The following TNPO1 variants were observed in gnomAD, a reference collection of about 807,000 sequenced individuals.
TNPO1 encodes transportin 1.
In TNPO1, 8 loss-of-function variants were observed where a neutral mutation model predicts 119.5. The ratio of observed to expected loss-of-function variants is 0.07; its 90% CI spans 0.04 to 0.12. The LOEUF (loss-of-function observed/expected upper bound fraction) is 0.12. Among genes scored for constraint, TNPO1 ranks in the 10% least tolerant of loss-of-function variants. TNPO1 has a pLI of 1.00. For synonymous variants in TNPO1, 362 were observed against 363.0 expected (o/e 1.00, Z 0.03); for missense variants, 576 against 1,089.8 (o/e 0.53, Z 6.64).
intron 1 of TNPO1, among the ~76,000 whole-genome samples, chr5:72,840,367 A>C (rs1285958484): frequency 6.6e-6 from 1 of 152,182 alleles, no homozygotes; most frequent in Non-Finnish European, 1.5e-5. Flanking sequence ...TCATGGAATT[A>C]AATGAGATCA....
At chr5:72,854,649 A>G (rs1383106721) in intron 3 of TNPO1, among the ~76,000 whole-genome samples, 3 of 152,212 alleles carry the variant, frequency 2.0e-5, no homozygotes, top group Admixed American at 6.6e-5. Flanking sequence ...CCACTTGGAA[A>G]GCACTTAGCA....
intron 6 of TNPO1, among the ~76,000 whole-genome samples, chr5:72,868,406 T>G (rs1747094956): frequency 9.0e-6 from 1 of 110,732 alleles, no homozygotes; most frequent in Non-Finnish European, 1.7e-5. Flanking sequence ...CACTCCAGCC[T>G]GGATGACAGA....
chr5:72,884,618 C>T (rs937992230), intron 11 of TNPO1, among the ~76,000 whole-genome samples: 1 of 152,182 alleles, frequency 6.6e-6, no homozygotes, highest in Admixed American at 6.5e-5. Context: ...TTCTGGCCCA[C>T]GCTTCCTAAT....
At chr5:72,883,611 T>C (rs897049953) in intron 11 of TNPO1, among the ~76,000 whole-genome samples, 10 of 152,268 alleles carry the variant, frequency 6.6e-5, no homozygotes, top group Admixed American at 2.6e-4. Flanking sequence ...AAATAATATT[T>C]CATTGTAATA....
intron 23 of TNPO1, among the ~76,000 whole-genome samples, chr5:72,904,916 A>G (rs994522030): frequency 6.6e-6 from 1 of 152,234 alleles, no homozygotes; most frequent in Non-Finnish European, 1.5e-5. Flanking sequence ...AAGGTGAAAG[A>G]CAAGTCTTAA....
chr5:72,834,249 A>T (rs757509833), intron 1 of TNPO1, among the ~76,000 whole-genome samples: 1 of 152,228 alleles, frequency 6.6e-6, no homozygotes. Flanking sequence ...TTATTGGTTC[A>T]TGTATTTACT....
chr5:72,833,776 A>G (rs925306401), intron 1 of TNPO1, among the ~76,000 whole-genome samples: 4 of 152,206 alleles, frequency 2.6e-5, no homozygotes, highest in African/African-American at 9.6e-5. Flanking sequence ...GAATTTTTAT[A>G]CGTCTCATTA....
chr5:72,877,356 C>A lies in TNPO1; in HGVS notation c.920+10C>A, dbSNP rs771763497. ...TAAGGCATCTTCCTAAGTAAGTGTT[C>A]CCTCTTATAAATGCTGCCTTGTTCT... On this transcript the variant is annotated intron_variant, in intron 9 of 24. Transcript: ENST00000337273. The A allele has an allele frequency of 1.4e-6, 2 of 1,398,262 alleles. No homozygotes were observed. The highest frequency in any genetic ancestry group is 3.5e-5 in the Admixed American group (2 of 57,326). The allele number at this position is 1,398,262 out of a possible 1,614,324, so 86.6% of individuals were successfully genotyped here.
intron 1 of TNPO1, among the ~76,000 whole-genome samples, chr5:72,831,414 GTAT>G (rs745465463): frequency 4.0e-5 from 6 of 151,688 alleles, no homozygotes; most frequent in Non-Finnish European, 7.4e-5. Context: ...AAAGATCCTT[GTAT>G]TATTATGTCT....
chr5:72,832,509 A>C (rs1322237917), intron 1 of TNPO1, among the ~76,000 whole-genome samples: 1 of 152,090 alleles, frequency 6.6e-6, no homozygotes, highest in East Asian at 1.9e-4. Context: ...CATCTGCTAT[A>C]TTTGTCAACA....
intron 1 of TNPO1, among the ~76,000 whole-genome samples, chr5:72,839,924 T>C (rs1744837020): frequency 6.6e-6 from 1 of 152,122 alleles, no homozygotes; most frequent in East Asian, 1.9e-4. Flanking sequence ...AGGGTGACAA[T>C]GAGATAACTA....
rs541265291 is a variant in TNPO1, at chr5:72,865,371, G to A, written c.463-225G>A. ...GCAGGAGAGTCACTTGAACCCGGGA[G>A]GCAGAAGTTGCAGTGACCCGAGATG... On this transcript the variant is annotated intron_variant, in intron 5 of 24. Coordinates refer to ENST00000337273, the MANE Select transcript of TNPO1 (RefSeq NM_002270.4). Among the ~76,000 whole-genome samples the A allele has an allele frequency of 3.0e-4, 45 of 151,248 alleles. 1 individual carries two copies. In the South Asian group the frequency reaches 8.2e-3, roughly 27 times the overall value.
intron 1 of TNPO1, among the ~76,000 whole-genome samples, chr5:72,833,550 A>G (rs982819488): frequency 5.3e-5 from 8 of 152,208 alleles, no homozygotes; most frequent in Non-Finnish European, 1.2e-4. Context: ...TTGTGGGCTG[A>G]GGGGAATGAA....
chr5:72,847,552 A>G (rs1745188509), intron 1 of TNPO1, among the ~76,000 whole-genome samples: 1 of 152,236 alleles, frequency 6.6e-6, no homozygotes. Context: ...TAGTATGTGA[A>G]AATACTTTAA....
Position 72,886,971 on chromosome 5 carries a change from C to G in TNPO1, c.1151-99C>G, listed in dbSNP as rs1481541764. Reference sequence around the variant, plus strand: ...ATTCAATTGAATTCTTATTTTAAAACTCCGTATTAGAGATACGAATAAAAT... The same window carrying G: ...ATTCAATTGAATTCTTATTTTAAAAGTCCGTATTAGAGATACGAATAAAAT... On this transcript the variant is annotated intron_variant, in intron 11 of 24. Transcript: ENST00000337273. 5 of 896,066 alleles carry G rather than the reference C, an allele frequency of 5.6e-6. No homozygotes were observed. The East Asian group carries it at 3.1e-4, about 55-fold the overall frequency. 55.5% of individuals were successfully genotyped at this position (896,066 alleles called of 1,614,324 possible).
intron 1 of TNPO1, chr5:72,817,001 T>G: frequency 2.1e-6 from 1 of 481,078 alleles, no homozygotes; most frequent in Non-Finnish European, 3.7e-6. Context: ...AGGATCCCGT[T>G]AGGGGCGGCA....
Position 72,910,759 on chromosome 5 carries a change from A to G in TNPO1, c.*2086A>G, listed in dbSNP as rs1240463585. Reference sequence around the variant, plus strand: ...ATACTGTTTCAAAAATTTCAAATGCATGGTAGCATGTAGAAAGGTTTTTGT... The same window carrying G: ...ATACTGTTTCAAAAATTTCAAATGCGTGGTAGCATGTAGAAAGGTTTTTGT... On this transcript the variant is annotated 3_prime_UTR_variant, in exon 25 of 25. Transcript: ENST00000337273. 5 of 152,102 alleles carry G rather than the reference A, an allele frequency of 3.3e-5. No homozygotes were observed. The highest frequency in any genetic ancestry group is 9.7e-5 in the African/African-American group (4 of 41,438). The allele number at this position is 152,102 out of a possible 1,614,324, so 9.4% of individuals were successfully genotyped here. A position where few individuals can be genotyped will look rare whatever the true frequency, so the allele number is the denominator to read the frequency against.
intron 1 of TNPO1, among the ~76,000 whole-genome samples, chr5:72,829,862 G>A (rs1744371151): frequency 6.6e-6 from 1 of 152,132 alleles, no homozygotes; most frequent in Non-Finnish European, 1.5e-5. Flanking sequence ...CTTAGAGGAA[G>A]GCAGTTAGTC....
chr5:72,856,476 G>T (rs971250736), intron 4 of TNPO1, among the ~76,000 whole-genome samples: 2 of 151,896 alleles, frequency 1.3e-5, no homozygotes, highest in African/African-American at 4.8e-5. Flanking sequence ...CAGGTGATCC[G>T]CCTGCCTCAG....
Sources: allele counts gnomAD v4.1 joint callset (sites outside exome capture counted in the v4.1 genomes callset), GRCh38; gene constraint gnomAD v4.1.1; transcripts MANE v1.5; gene names NCBI Gene and HGNC (gene_info 2026-07-23, HGNC 2026-07-21).